The following SEPTIN9 variants were observed in gnomAD, a reference collection of about 807,000 sequenced individuals.
SEPTIN9 encodes septin 9.
In SEPTIN9, 13 loss-of-function variants were observed where a neutral mutation model predicts 56.6. The ratio of observed to expected loss-of-function variants is 0.23; its 90% CI spans 0.15 to 0.37. The LOEUF is 0.37. Among genes scored for constraint, SEPTIN9 ranks in the 10% least tolerant of loss-of-function variants. The pLI is 1.00. For missense variants in SEPTIN9, 650 were observed against 823.1 expected (o/e 0.79, Z 2.57); for synonymous variants, 332 against 334.1 (o/e 0.99, Z 0.07).
At chr17:77,480,245 G>T (rs2039399731) in intron 3 of SEPTIN9, among the ~76,000 whole-genome samples, 1 of 152,228 alleles carries the variant, frequency 6.6e-6, no homozygotes, top group South Asian at 2.1e-4. Context: ...CCCTGTGGAG[G>T]CTGAGAAGAC....
intron 1 of SEPTIN9, among the ~76,000 whole-genome samples, chr17:77,299,160 C>T (rs1361960884): frequency 6.6e-6 from 1 of 152,218 alleles, no homozygotes; most frequent in Non-Finnish European, 1.5e-5. Flanking sequence ...TGCTAACACT[C>T]AGACTTCAGT....
intron 2 of SEPTIN9, among the ~76,000 whole-genome samples, chr17:77,331,787 A>G (rs2033372826): frequency 6.6e-6 from 1 of 152,192 alleles, no homozygotes; most frequent in Non-Finnish European, 1.5e-5. Flanking sequence ...TTCCCCGCAC[A>G]GGCACGGGGG....
At position 77,417,894 on chromosome 17, in the gene SEPTIN9, G is replaced by T. The variant is rs888311086; in HGVS notation, c.721+15191G>T. 2.6e-5 allele frequency among the ~76,000 whole-genome samples: 4 copies of T among 152,224 alleles called. No individual in the cohort carries two copies. The South Asian group carries it at 8.3e-4, about 31-fold the overall frequency. On this transcript the variant is annotated intron_variant, in intron 3 of 11. Coordinates refer to ENST00000427177, the MANE Select transcript of SEPTIN9 (RefSeq NM_001113491.2). ...GGGTTGGGGCACCTCAGCACCTGCT[G>T]CACAGGCGTTGGTCATTAAAGGTCA...
rs181472409 is a variant in SEPTIN9, at chr17:77,450,056, G to T, written c.722-32088G>T. ...GCAGTCTTCTCCCAGACACTCCCCC[G>T]GCTCTGGCCTGGCGCCCGGAGACCA... On this transcript the variant is annotated intron_variant, in intron 3 of 11. Transcript: ENST00000427177. This position sits in a 1 kb window ranked among gnomAD's most constrained non-coding sequence, Gnocchi z 6.0. Among the ~76,000 whole-genome samples, 1 of 152,260 alleles carries T rather than the reference G, an allele frequency of 6.6e-6. No homozygotes were observed. Among genetic ancestry groups the T allele is most frequent in the Admixed American group, 6.5e-5 (1 of 15,298 alleles).
In SEPTIN9 at chr17:77,326,576, A is replaced by C. The variant is rs541975772; in HGVS notation, c.76+19379A>C. On this transcript the variant is annotated intron_variant, in intron 2 of 11. Coordinates refer to ENST00000427177, the MANE Select transcript of SEPTIN9 (RefSeq NM_001113491.2). The surrounding 1 kb of genome is among the most constrained non-coding windows in gnomAD (Gnocchi z 5.1). ...TGAGGCCGGCAGCACGGCAGGAAGT[A>C]AGACTGGGGTTGAAAGAGACTGACT... 1.3e-5 allele frequency among the ~76,000 whole-genome samples: 2 copies of C among 152,334 alleles called. No individual in the cohort carries two copies. Among genetic ancestry groups the C allele is most frequent in the African/African-American group, 4.8e-5 (2 of 41,570 alleles).
At position 77,313,428 on chromosome 17, in the gene SEPTIN9, G is replaced by C. The variant is rs887752798; in HGVS notation, c.76+6231G>C. Among the ~76,000 whole-genome samples the C allele has an allele frequency of 3.3e-5, 5 of 152,266 alleles. No homozygotes were observed. The highest frequency in any genetic ancestry group is 5.9e-5 in the Non-Finnish European group (4 of 68,050). ...CCAGTAAACCCTGCAGCGGCCCCAA[G>C]GGCAGAGATAGCTGGATTGTATTTA... On this transcript the variant is annotated intron_variant, in intron 2 of 11. Transcript: ENST00000427177. This position sits in a 1 kb window ranked among gnomAD's most constrained non-coding sequence, Gnocchi z 4.5.
At chr17:77,349,532 A>C (rs1436264449) in intron 2 of SEPTIN9, among the ~76,000 whole-genome samples, 2 of 152,214 alleles carry the variant, frequency 1.3e-5, no homozygotes, top group Non-Finnish European at 2.9e-5. Context: ...TGTTTCTGTC[A>C]AGGAATCAGC....
intron 2 of SEPTIN9, among the ~76,000 whole-genome samples, chr17:77,340,895 T>C (rs1409566802): frequency 6.6e-6 from 1 of 152,264 alleles, no homozygotes; most frequent in Non-Finnish European, 1.5e-5. Flanking sequence ...TGACCTCTGC[T>C]AGCCTCAAAC....
At chr17:77,287,428 G>C (rs2031332122) in intron 1 of SEPTIN9, among the ~76,000 whole-genome samples, 1 of 152,220 alleles carries the variant, frequency 6.6e-6, no homozygotes. Context: ...CCGTCTCCCT[G>C]AGGTTCCTAG....
chr17:77,298,720 C>T (rs1283705154), intron 1 of SEPTIN9, among the ~76,000 whole-genome samples: 1 of 152,234 alleles, frequency 6.6e-6, no homozygotes, highest in African/African-American at 2.4e-5. Flanking sequence ...CTCCCCCTGC[C>T]TTTCTGCATC....
chr17:77,366,470 A>G (rs569390770), intron 2 of SEPTIN9, among the ~76,000 whole-genome samples: 83 of 152,274 alleles, frequency 5.5e-4, no homozygotes, highest in African/African-American at 1.7e-3. Flanking sequence ...AGGCATCTGA[A>G]TTTACTAATC....
chr17:77,436,836 G>C lies in SEPTIN9; in HGVS notation c.721+34133G>C, dbSNP rs172682. On this transcript the variant is annotated intron_variant, in intron 3 of 11. Coordinates refer to ENST00000427177, the MANE Select transcript of SEPTIN9 (RefSeq NM_001113491.2). This position sits in a 1 kb window ranked among gnomAD's most constrained non-coding sequence, Gnocchi z 4.4. ...CACCCAGGAGAGGGCCAGGGTGCCT[G>C]TATTTGGGGCACAGCATAAAGAACA... Among the ~76,000 whole-genome samples, 10,855 of 152,306 alleles carry C rather than the reference G, an allele frequency of 0.071. 1,173 individuals carry two copies. Among genetic ancestry groups the C allele is most frequent in the African/African-American group, 0.23 (9,601 of 41,538 alleles).
At position 77,475,622 on chromosome 17, in the gene SEPTIN9, T is replaced by C. The variant is rs1288490901; in HGVS notation, c.722-6522T>C. On this transcript the variant is annotated intron_variant, in intron 3 of 11. Transcript: ENST00000427177. This position sits in a 1 kb window ranked among gnomAD's most constrained non-coding sequence, Gnocchi z 4.6. The stretch of plus-strand genomic sequence containing the variant: ...GGGGAGCCTGCAGAGGGAGGGCAGC[T>C]GGAGGCTGCTCCAGTGTGCATTGTT... 2 of 1,613,642 alleles carry C rather than the reference T, an allele frequency of 1.2e-6. No individual in the cohort carries two copies. Among genetic ancestry groups the C allele is most frequent in the African/African-American group, 2.7e-5 (2 of 74,926 alleles).
chr17:77,480,458 G>C (rs954316622), intron 3 of SEPTIN9, among the ~76,000 whole-genome samples: 1 of 152,160 alleles, frequency 6.6e-6, no homozygotes, highest in African/African-American at 2.4e-5. Flanking sequence ...TCCTGAGTTC[G>C]GTTCTTGCCC....
intron 3 of SEPTIN9, among the ~76,000 whole-genome samples, chr17:77,420,364 C>T (rs1172855632): frequency 6.6e-6 from 1 of 152,222 alleles, no homozygotes; most frequent in African/African-American, 2.4e-5. Context: ...GTCTTCTTGG[C>T]TGGTGGTTCT....
intron 2 of SEPTIN9, among the ~76,000 whole-genome samples, chr17:77,336,998 GTTTTTTTT>G (rs61414789): frequency 7.8e-6 from 1 of 128,490 alleles, no homozygotes; most frequent in East Asian, 2.3e-4. Context: ...TTTGCCCCCC[GTTTTTTTT>G]TTTTTTTTTT....
rs541270190 is a variant in SEPTIN9 at position 77,480,745 on chromosome 17, G to A, written c.722-1399G>A. Among the ~76,000 whole-genome samples the A allele has an allele frequency of 3.6e-3, 551 of 152,312 alleles. 1 individual carries two copies. The highest frequency in any genetic ancestry group is 0.013 in the African/African-American group (521 of 41,574). On this transcript the variant is annotated intron_variant, in intron 3 of 11. Transcript: ENST00000427177. ...GCCACTCCCCTCCCGGAGGACTGGCGGGAGGGGCCCTGCCTGGGAGCGTGC... is the reference window on the plus strand; with the variant it reads ...GCCACTCCCCTCCCGGAGGACTGGCAGGAGGGGCCCTGCCTGGGAGCGTGC...
At chr17:77,301,109 A>C (rs2032034184) in intron 1 of SEPTIN9, among the ~76,000 whole-genome samples, 1 of 144,558 alleles carries the variant, frequency 6.9e-6, no homozygotes, top group Admixed American at 7.0e-5. Context: ...CCCCCACCCC[A>C]GGCTCAAAGT....
chr17:77,336,938 CATT>C (rs2033572813), intron 2 of SEPTIN9, among the ~76,000 whole-genome samples: 1 of 149,062 alleles, frequency 6.7e-6, no homozygotes, highest in Non-Finnish European at 1.5e-5. Context: ...TGGAAATGAT[CATT>C]GTTTTGTCTT....
Sources: allele counts gnomAD v4.1 joint callset (sites outside exome capture counted in the v4.1 genomes callset), GRCh38; gene constraint gnomAD v4.1.1; non-coding constraint Gnocchi (gnomAD v3.1); transcripts MANE v1.5; gene names NCBI Gene and HGNC (gene_info 2026-07-23, HGNC 2026-07-21).